Variants in DNALI1 observed in about 807,000 individuals in gnomAD.
DNALI1 encodes the protein axonemal dynein light intermediate polypeptide 1.
Under a neutral mutation model 33.9 loss-of-function variants are expected in DNALI1, and 31 were observed. The ratio of observed to expected loss-of-function variants is 0.91; its 90% confidence interval spans 0.69 to 1.23. DNALI1 has a LOEUF of 1.23. Among genes scored for constraint, DNALI1 ranks in the 50% most tolerant of loss-of-function variants. The pLI, the probability that DNALI1 is intolerant of heterozygous loss-of-function variation, is 0.00. For synonymous variants in DNALI1, 117 were observed against 129.2 expected (o/e 0.91, Z 0.64); for missense variants, 305 against 323.8 (o/e 0.94, Z 0.44).
Position 37,563,625 on chromosome 1 carries a change from G to C in DNALI1, c.741+1380G>C, listed in dbSNP as rs570793327. On this transcript the variant is annotated intron_variant, in intron 5 of 5. Coordinates refer to ENST00000652629, the MANE Select transcript of DNALI1 (RefSeq NM_003462.5). ...CTTGCCTCAGCCTCCTGAGTAGCTG[G>C]GATTACAGGCATGTGCCAGCACGCC... Among the ~76,000 whole-genome samples the C allele has an allele frequency of 3.3e-5, 5 of 152,068 alleles. No homozygotes were observed. In the South Asian group the frequency reaches 8.3e-4, roughly 25 times the overall value.
Position 37,561,595 on chromosome 1 carries a change from A to AGGG in DNALI1, c.439_441dup (p.Gly147dup). ...GGAGGTCACCATCAACTGTGCGGAGAGGGGGCTGCTGCTGCTGCGAGTCCG... is the reference window on the plus strand; with the variant it reads ...GGAGGTCACCATCAACTGTGCGGAGAGGGGGGGGCTGCTGCTGCTGCGAGTCCG... On this transcript the variant is annotated inframe_insertion, in exon 4 of 6. Transcript: ENST00000652629. This position sits in a 1 kb window ranked among gnomAD's most constrained non-coding sequence, Gnocchi z 4.6. 1 of 1,613,786 alleles carries AGGG rather than the reference A, an allele frequency of 6.2e-7. No homozygotes were observed. The highest frequency in any genetic ancestry group is 8.5e-7 in the Non-Finnish European group (1 of 1,179,920).
rs1557633010 is a variant in DNALI1, at chr1:37,561,473, C to G, written c.398-84C>G. 2 of 1,496,076 alleles carry G rather than the reference C, an allele frequency of 1.3e-6. No individual in the cohort carries two copies. The highest frequency in any genetic ancestry group is 1.8e-6 in the Non-Finnish European group (2 of 1,101,686). 92.7% of individuals were successfully genotyped at this position (1,496,076 alleles called of 1,614,324 possible). On this transcript the variant is annotated intron_variant, in intron 3 of 5. Transcript: ENST00000652629. This position sits in a 1 kb window ranked among gnomAD's most constrained non-coding sequence, Gnocchi z 4.6. The stretch of plus-strand genomic sequence containing the variant: ...AGCGAGAACACCCTAATGTCCTTCC[C>G]AAGAGGAAGGGTGTTTGCAGTAGAC...
Position 37,562,355 on chromosome 1 carries a change from C to A in DNALI1, c.741+110C>A. Reference sequence around the variant, plus strand: ...GCTTTTAAATGTTTGTCCACATGCACTGCCAAAGGATAAAGGAAGCTGACT... The same window carrying A: ...GCTTTTAAATGTTTGTCCACATGCAATGCCAAAGGATAAAGGAAGCTGACT... On this transcript the variant is annotated intron_variant, in intron 5 of 5. Transcript: ENST00000652629. The surrounding 1 kb of genome is among the most constrained non-coding windows in gnomAD (Gnocchi z 5.8). The A allele has an allele frequency of 7.2e-7, 1 of 1,397,270 alleles. No individual in the cohort carries two copies. Among genetic ancestry groups the A allele is most frequent in the Non-Finnish European group, 9.6e-7 (1 of 1,038,736 alleles). 86.6% of individuals were successfully genotyped at this position (1,397,270 alleles called of 1,614,324 possible). A position where few individuals can be genotyped will look rare whatever the true frequency, so the allele number is the denominator to read the frequency against.
Position 37,562,019 on chromosome 1 carries a change from C to T in DNALI1, c.577-62C>T, listed in dbSNP as rs1643445450. ...TGTCATGTCCCATGTCCCTTCCACC[C>T]AGGCTCACACCATTCCATTCACCTG... On this transcript the variant is annotated intron_variant, in intron 4 of 5. Transcript: ENST00000652629. The surrounding 1 kb of genome is among the most constrained non-coding windows in gnomAD (Gnocchi z 5.8). 1.2e-6 allele frequency: 2 copies of T among 1,607,278 alleles called. No homozygotes were observed. Among genetic ancestry groups the T allele is most frequent in the East Asian group, 2.2e-5 (1 of 44,790 alleles).
chr1:37,562,365 A>G lies in DNALI1; in HGVS notation c.741+120A>G. 7.5e-7 allele frequency: 1 copy of G among 1,341,446 alleles called. No homozygotes were observed. Among genetic ancestry groups the G allele is most frequent in the Non-Finnish European group, 1.0e-6 (1 of 997,402 alleles). 83.1% of individuals were successfully genotyped at this position (1,341,446 alleles called of 1,614,324 possible). A position where few individuals can be genotyped will look rare whatever the true frequency, so the allele number is the denominator to read the frequency against. On this transcript the variant is annotated intron_variant, in intron 5 of 5. Transcript: ENST00000652629. The surrounding 1 kb of genome is among the most constrained non-coding windows in gnomAD (Gnocchi z 5.8). ...GTTTGTCCACATGCACTGCCAAAGG[A>G]TAAAGGAAGCTGACTTTGGTGGTGG...
chr1:37,561,788 G>A lies in DNALI1; in HGVS notation c.576+53G>A. On this transcript the variant is annotated intron_variant, in intron 4 of 5. Coordinates refer to ENST00000652629, the MANE Select transcript of DNALI1 (RefSeq NM_003462.5). The surrounding 1 kb of genome is among the most constrained non-coding windows in gnomAD (Gnocchi z 4.6). Reference sequence around the variant, plus strand: ...TCCCATCTCTTCTGTAAACCTCAGGGCCACATGCTTATCATTCCAGCACTA... The same window carrying A: ...TCCCATCTCTTCTGTAAACCTCAGGACCACATGCTTATCATTCCAGCACTA... The A allele has an allele frequency of 6.3e-7, 1 of 1,575,752 alleles. No individual in the cohort carries two copies. The highest frequency in any genetic ancestry group is 8.7e-7 in the Non-Finnish European group (1 of 1,155,706).
intron 2 of DNALI1, chr1:37,557,976 C>T (rs1643393199): frequency 7.1e-6 from 4 of 560,120 alleles, no homozygotes; most frequent in African/African-American, 5.7e-5. Context: ...GCTTTAGATA[C>T]CACCTATGTG....
In DNALI1 at chr1:37,562,638, CCT is replaced by C. The variant is rs750577700; in HGVS notation, c.741+394_741+395del. Among the ~76,000 whole-genome samples, 15 of 151,956 alleles carry C rather than the reference CCT, an allele frequency of 9.9e-5. No individual in the cohort carries two copies. The highest frequency in any genetic ancestry group is 1.8e-4 in the Non-Finnish European group (12 of 67,984). ...ATCCCATGGCTGTCTCCTCTGAGGC[CCT>C]GTTTCAGGGCATAACCAGGGAAGAA... On this transcript the variant is annotated intron_variant, in intron 5 of 5. Coordinates refer to ENST00000652629, the MANE Select transcript of DNALI1 (RefSeq NM_003462.5). The surrounding 1 kb of genome is among the most constrained non-coding windows in gnomAD (Gnocchi z 5.8).
chr1:37,557,053 A>G lies in DNALI1; in HGVS notation c.59A>G (p.Asn20Ser). 6.2e-7 allele frequency: 1 copy of G among 1,614,262 alleles called. No individual in the cohort carries two copies. Among genetic ancestry groups the G allele is most frequent in the Non-Finnish European group, 8.5e-7 (1 of 1,180,048 alleles). ...GACACCCCAGTGCTGGTGAGCCGGA[A>G]CACGGAGAAACGGAGCCCCAAGGTA... The part of the protein sequence containing the change: ...KYDTPVLVSR[N>S]TEKRSPKARL... The change falls in exon 1 of 6, where the codon AAC (asparagine) becomes AGC (serine). Residue 20 changes from asparagine to serine, a missense_variant. By Grantham distance (46) the Asn-to-Ser change is conservative. Coordinates refer to ENST00000652629, the MANE Select transcript of DNALI1 (RefSeq NM_003462.5).
chr1:37,561,171 G>C lies in DNALI1; in HGVS notation c.398-386G>C. 5.0e-6 allele frequency: 1 copy of C among 200,562 alleles called. No individual in the cohort carries two copies. The highest frequency in any genetic ancestry group is 1.0e-4 in the South Asian group (1 of 9,950). 12.4% of individuals were successfully genotyped at this position (200,562 alleles called of 1,614,324 possible). On this transcript the variant is annotated intron_variant, in intron 3 of 5. Transcript: ENST00000652629. The surrounding 1 kb of genome is among the most constrained non-coding windows in gnomAD (Gnocchi z 4.6). The stretch of plus-strand genomic sequence containing the variant: ...CCAGTGCAGCCAAGGGGGCACACAG[G>C]ATGTCCCAGCTGCTTTAAAACAGCT...
At chr1:37,564,545 A>G (rs1643477974) in intron 5 of DNALI1, among the ~76,000 whole-genome samples, 2 of 151,822 alleles carry the variant, frequency 1.3e-5, no homozygotes, top group Admixed American at 1.3e-4. Context: ...ACCACGCCCA[A>G]CTAATTTTTG....
rs1232773623 is a variant in DNALI1, at chr1:37,562,907, T to C, written c.741+662T>C. On this transcript the variant is annotated intron_variant, in intron 5 of 5. Coordinates refer to ENST00000652629, the MANE Select transcript of DNALI1 (RefSeq NM_003462.5). The surrounding 1 kb of genome is among the most constrained non-coding windows in gnomAD (Gnocchi z 5.8). ...TCCAAAGGTCTCAAAAGGTAGGCCCTAGATCAACATCGTCCTCACCTGGCA... is the reference window on the plus strand; with the variant it reads ...TCCAAAGGTCTCAAAAGGTAGGCCCCAGATCAACATCGTCCTCACCTGGCA... Among the ~76,000 whole-genome samples, 1 of 152,194 alleles carries C rather than the reference T, an allele frequency of 6.6e-6. No homozygotes were observed. The highest frequency in any genetic ancestry group is 1.5e-5 in the Non-Finnish European group (1 of 68,036).
In DNALI1 at chr1:37,562,028, A is replaced by C. The variant is rs1643445634; in HGVS notation, c.577-53A>C. 3 of 1,611,312 alleles carry C rather than the reference A, an allele frequency of 1.9e-6. No individual in the cohort carries two copies. Among genetic ancestry groups the C allele is most frequent in the Middle Eastern group, 1.7e-4 (1 of 5,918 alleles). On this transcript the variant is annotated intron_variant, in intron 4 of 5. Coordinates refer to ENST00000652629, the MANE Select transcript of DNALI1 (RefSeq NM_003462.5). The surrounding 1 kb of genome is among the most constrained non-coding windows in gnomAD (Gnocchi z 5.8). The stretch of plus-strand genomic sequence containing the variant: ...CCATGTCCCTTCCACCCAGGCTCAC[A>C]CCATTCCATTCACCTGGCGACATCC...
At position 37,561,796 on chromosome 1, in the gene DNALI1, C is replaced by G; in HGVS notation, c.576+61C>G. On this transcript the variant is annotated intron_variant, in intron 4 of 5. Transcript: ENST00000652629. This position sits in a 1 kb window ranked among gnomAD's most constrained non-coding sequence, Gnocchi z 4.6. ...CTTCTGTAAACCTCAGGGCCACATG[C>G]TTATCATTCCAGCACTACATTCTGA... The G allele has an allele frequency of 6.4e-7, 1 of 1,559,976 alleles. No individual in the cohort carries two copies. Among genetic ancestry groups the G allele is most frequent in the Non-Finnish European group, 8.7e-7 (1 of 1,146,860 alleles).
At chr1:37,563,470 T>C (rs755320036) in intron 5 of DNALI1, among the ~76,000 whole-genome samples, 4 of 152,216 alleles carry the variant, frequency 2.6e-5, no homozygotes, top group Non-Finnish European at 5.9e-5. Flanking sequence ...GGGTGAAAGA[T>C]TCTTTAGAAG....
rs1404092121 is a variant in DNALI1 at position 37,561,973 on chromosome 1, T to G, written c.577-108T>G. On this transcript the variant is annotated intron_variant, in intron 4 of 5. Transcript: ENST00000652629. This position sits in a 1 kb window ranked among gnomAD's most constrained non-coding sequence, Gnocchi z 4.6. Reference sequence around the variant, plus strand: ...TGCCAGGCACTGACCTCCCACTGGGTGGCAGTATATACCCTGGCAATGTCA... The same window carrying G: ...TGCCAGGCACTGACCTCCCACTGGGGGGCAGTATATACCCTGGCAATGTCA... 2.6e-6 allele frequency: 4 copies of G among 1,521,122 alleles called. No individual in the cohort carries two copies. The African/African-American group carries it at 5.5e-5, about 21-fold the overall frequency. 94.2% of individuals were successfully genotyped at this position (1,521,122 alleles called of 1,614,324 possible).
chr1:37,559,279 G>C lies in DNALI1; in HGVS notation c.228-48G>C, dbSNP rs1297675283. 6.5e-7 allele frequency: 1 copy of C among 1,532,492 alleles called. No individual in the cohort carries two copies. The highest frequency in any genetic ancestry group is 1.4e-5 in the African/African-American group (1 of 72,320). 94.9% of individuals were successfully genotyped at this position (1,532,492 alleles called of 1,614,324 possible). ...AAGGGCCCTCTGCTCATGTGCTAGG[G>C]ACCTTCAAGTCAACGGGTTTTGCTC... On this transcript the variant is annotated intron_variant, in intron 2 of 5. Transcript: ENST00000652629. This position sits in a 1 kb window ranked among gnomAD's most constrained non-coding sequence, Gnocchi z 5.3.
At position 37,557,766 on chromosome 1, in the gene DNALI1, G is replaced by A. The variant is rs373665703; in HGVS notation, c.227+18G>A. 2 of 1,613,376 alleles carry A rather than the reference G, an allele frequency of 1.2e-6. No individual in the cohort carries two copies. The highest frequency in any genetic ancestry group is 2.7e-5 in the African/African-American group (2 of 75,016). The stretch of plus-strand genomic sequence containing the variant: ...CCCCCAAGGTAAGAAAGTAGGAGCA[G>A]TGGCTGGGAGAAGGCCTAAGCTTTT... On this transcript the variant is annotated intron_variant, in intron 2 of 5. Coordinates refer to ENST00000652629, the MANE Select transcript of DNALI1 (RefSeq NM_003462.5).
chr1:37,563,616 G>T (rs746001461), intron 5 of DNALI1, among the ~76,000 whole-genome samples: 1 of 152,222 alleles, frequency 6.6e-6, no homozygotes, highest in South Asian at 2.1e-4. Flanking sequence ...TCAGCCTCCT[G>T]AGTAGCTGGG....
Sources: gnomAD v4.1 joint callset for allele counts (sites outside exome capture counted in the v4.1 genomes callset) on GRCh38, gnomAD v4.1.1 for gene constraint, Gnocchi (gnomAD v3.1) non-coding constraint, MANE v1.5 for transcripts, NCBI Gene and HGNC (gene_info 2026-07-23, HGNC 2026-07-21) for gene names.